Variants in SLX9 observed in about 807,000 individuals in gnomAD.
The protein encoded by SLX9 is ribosome biogenesis protein SLX9 homolog.
SLX9 carries 19 observed loss-of-function variants against 20.8 expected under a neutral mutation model. The observed-to-expected ratio is 0.91, with a 90% CI of 0.64 to 1.34. The LOEUF (loss-of-function observed/expected upper bound fraction) is 1.34. Among genes scored for constraint, SLX9 ranks in the 40% most tolerant of loss-of-function variants. The probability of loss-of-function intolerance (pLI) is 0.00; values close to 1 mark genes in which losing one functional copy is unlikely to be tolerated. For missense variants in SLX9, 299 were observed against 322.2 expected (o/e 0.93, Z 0.55); for synonymous variants, 113 against 137.1 (o/e 0.82, Z 1.23).
At chr21:44,940,788 T>C (rs2084531222) in intron 1 of SLX9, among the ~76,000 whole-genome samples, 2 of 152,242 alleles carry the variant, frequency 1.3e-5, no homozygotes. Context: ...TTAATGTTTT[T>C]CGTTACATTG....
intron 2 of SLX9, 129 bp downstream of exon 2, chr21:44,943,966 C>A: frequency 7.5e-7 from 1 of 1,325,546 alleles, no homozygotes; most frequent in South Asian, 1.4e-5. Flanking sequence ...AGGGATGCCC[C>A]TGGCTGTTTC....
At chr21:44,958,777 G>A (rs1332797391) in intron 2 of SLX9, among the ~76,000 whole-genome samples, 1 of 152,212 alleles carries the variant, frequency 6.6e-6, no homozygotes, top group Non-Finnish European at 1.5e-5. Context: ...TCCTGCAGGA[G>A]CAGCGTGTTT....
chr21:44,958,817 G>A (rs1478379062), intron 2 of SLX9, among the ~76,000 whole-genome samples: 1 of 152,230 alleles, frequency 6.6e-6, no homozygotes, highest in Admixed American at 6.5e-5. Flanking sequence ...CCATGGCAAT[G>A]GGGCTGGGGA....
At chr21:44,956,010 C>T (rs779492663) in intron 2 of SLX9, among the ~76,000 whole-genome samples, 5 of 152,216 alleles carry the variant, frequency 3.3e-5, no homozygotes, top group African/African-American at 7.2e-5. Flanking sequence ...CTGATGCGGA[C>T]GCCAGCCTGC....
At chr21:44,973,038 A>G (rs1398895882) in intron 4 of SLX9, 159 bp from the exon 5 acceptor site, 4 of 235,432 alleles carry the variant, frequency 1.7e-5, no homozygotes, top group East Asian at 1.6e-4. Flanking sequence ...TCTCGCCTCC[A>G]TGGCCACAGT....
At chr21:44,953,961 T>C (rs546746844) in intron 2 of SLX9, among the ~76,000 whole-genome samples, 6 of 152,374 alleles carry the variant, frequency 3.9e-5, no homozygotes, top group African/African-American at 1.4e-4. Flanking sequence ...GCGGTGGTTC[T>C]GTCTCTTGCT....
intron 2 of SLX9, among the ~76,000 whole-genome samples, chr21:44,952,198 C>G (rs1717005664): frequency 6.6e-6 from 1 of 152,240 alleles, no homozygotes; most frequent in Non-Finnish European, 1.5e-5. Flanking sequence ...TTCACTCAGG[C>G]CTTTGTGGGC....
At position 44,940,117 on chromosome 21, in the gene SLX9, G is replaced by T; in HGVS notation, c.60G>T (p.Gly20=). The T allele has an allele frequency of 7.2e-7, 1 of 1,388,010 alleles. No homozygotes were observed. Among genetic ancestry groups the T allele is most frequent in the Non-Finnish European group, 9.4e-7 (1 of 1,063,368 alleles). 86.0% of individuals were successfully genotyped at this position (1,388,010 alleles called of 1,614,324 possible). A position where few individuals can be genotyped will look rare whatever the true frequency, so the allele number is the denominator to read the frequency against. The change falls in exon 1 of 6, where the codon GGG becomes GGT. Residue 20 remains glycine, a synonymous_variant. Transcript: ENST00000291634. The stretch of plus-strand genomic sequence containing the variant: ...ACCAGGCTGCCGTGAGGCCGAAAGG[G>T]GAGGCCGCCCCCGGCCCCGCGCCCC... ...RVHQAAVRPK[G]EAAPGPAPPA...
chr21:44,953,469 G>A lies in SLX9; in HGVS notation c.284-6631G>A, dbSNP rs571525883. On this transcript the variant is annotated intron_variant, in intron 2 of 5. Coordinates refer to ENST00000291634, the MANE Select transcript of SLX9 (RefSeq NM_058190.4). ...CCCGGCGGTGGGGCCCTGCGTCCGG[G>A]CCTCGGGAGCCTGTCCTGCACCATC... Among the ~76,000 whole-genome samples, 1,082 of 141,676 alleles carry A rather than the reference G, an allele frequency of 7.6e-3. 55 individuals are homozygous for A. Among genetic ancestry groups the A allele is most frequent in the African/African-American group, 0.031 (976 of 31,820 alleles). The allele number at this position is 141,676 out of a possible 152,430, so 92.9% of individuals were successfully genotyped here. A position where few individuals can be genotyped will look rare whatever the true frequency, so the allele number is the denominator to read the frequency against.
chr21:44,972,060 A>G (rs999151424), intron 4 of SLX9, among the ~76,000 whole-genome samples: 1 of 152,192 alleles, frequency 6.6e-6, no homozygotes, highest in Non-Finnish European at 1.5e-5. Flanking sequence ...CAGACACAAA[A>G]TGTCTGTCAT....
chr21:44,940,388 A>C (rs924487901), intron 1 of SLX9, among the ~76,000 whole-genome samples: 17 of 152,320 alleles, frequency 1.1e-4, no homozygotes, highest in Admixed American at 6.5e-4. Context: ...TCCTGGGCAC[A>C]CGGACTCGCG....
intron 1 of SLX9, among the ~76,000 whole-genome samples, chr21:44,943,310 C>T (rs867591911): frequency 1.3e-5 from 2 of 152,334 alleles, no homozygotes; most frequent in Middle Eastern, 3.4e-3. Context: ...GCTGCCTATC[C>T]TTCATCTGCT....
chr21:44,950,597 G>T (rs13048694), intron 2 of SLX9, among the ~76,000 whole-genome samples: 2,234 of 152,348 alleles, frequency 0.015, 37 homozygotes, highest in Middle Eastern at 0.092. Context: ...TTGTTGAGAC[G>T]CTAGACCAGG....
At chr21:44,971,614 A>C (rs992630453) in intron 4 of SLX9, among the ~76,000 whole-genome samples, 3 of 152,156 alleles carry the variant, frequency 2.0e-5, no homozygotes, top group Non-Finnish European at 4.4e-5. Context: ...TTCCCCAACC[A>C]GGAAGGATGT....
In SLX9 at chr21:44,943,774, G is replaced by C; in HGVS notation, c.220G>C (p.Val74Leu). 6.2e-7 allele frequency: 1 copy of C among 1,614,228 alleles called. No homozygotes were observed. The highest frequency in any genetic ancestry group is 8.5e-7 in the Non-Finnish European group (1 of 1,180,044). Residue 74 changes from valine (V) to leucine (L), a missense_variant, in exon 2 of 6, where the codon GTC (valine) becomes CTC (leucine). By Grantham distance (32) the Val-to-Leu change is conservative (BLOSUM62 1). Transcript: ENST00000291634. ...GAAGCTGGAGCTGGACGTGAGGAGT[G>C]TCACTTCCGTCAGGAGAGGTGAGGC... Reference protein sequence around the residue: ...VQKLELDVRSVTSVRRGEAGS... With the variant: ...VQKLELDVRSLTSVRRGEAGS...
intron 3 of SLX9, among the ~76,000 whole-genome samples, chr21:44,962,803 GGCCCTCA>G (rs1460659791): frequency 2.6e-5 from 4 of 152,116 alleles, no homozygotes; most frequent in Non-Finnish European, 5.9e-5. Context: ...GAGTTCTCCT[GGCCCTCA>G]GCTTTGCCAA....
intron 2 of SLX9, among the ~76,000 whole-genome samples, chr21:44,953,908 C>T (rs561255404): frequency 3.4e-4 from 52 of 152,352 alleles, no homozygotes; most frequent in Admixed American, 2.5e-3. Flanking sequence ...GCTGTTGATC[C>T]TTTGGCATTT....
At chr21:44,972,471 C>T (rs965861635) in intron 4 of SLX9, among the ~76,000 whole-genome samples, 7 of 152,166 alleles carry the variant, frequency 4.6e-5, no homozygotes, top group Non-Finnish European at 7.4e-5. Context: ...GTTTGGAGAT[C>T]CCAGGACTAA....
At chr21:44,966,002 C>A (rs1236296760) in intron 3 of SLX9, among the ~76,000 whole-genome samples, 1 of 152,210 alleles carries the variant, frequency 6.6e-6, no homozygotes, top group African/African-American at 2.4e-5. Context: ...TGGTGTACAC[C>A]TTCCAAGCTC....
Sources: gnomAD v4.1 joint callset for allele counts (sites outside exome capture counted in the v4.1 genomes callset) on GRCh38, gnomAD v4.1.1 for gene constraint, MANE v1.5 for transcripts, NCBI Gene and HGNC (gene_info 2026-07-23, HGNC 2026-07-21) for gene names.